The following PRKDC variants were observed in gnomAD, a reference collection of about 807,000 sequenced individuals.
PRKDC encodes DNA-dependent protein kinase catalytic subunit.
In PRKDC, 82 loss-of-function variants were observed where a neutral mutation model predicts 486.9. The ratio of observed to expected loss-of-function variants is 0.17; its 90% CI spans 0.14 to 0.20. PRKDC has a LOEUF of 0.20. Among genes scored for constraint, PRKDC ranks in the 10% least tolerant of loss-of-function variants. PRKDC has a pLI of 1.00. For synonymous variants in PRKDC, 1,895 were observed against 1,837.0 expected, an observed-to-expected ratio of 1.03 and a Z score of -0.81; for missense variants, 4,504 against 5,038.2, an observed-to-expected ratio of 0.89 and a Z score of 3.21.
At position 47,785,126 on chromosome 8, in the gene PRKDC, C is replaced by T. The variant is rs768831970; in HGVS notation, c.11094G>A (p.Glu3698=). The stretch of plus-strand genomic sequence containing the variant: ...AGGTTAACTCACCGGGAATCTCCAG[C>T]TCATTTCTCAGGAACTCCACTTTGA... ...SDFKVEFLRN[E]LEIPGQYDGR... is the part of the protein sequence containing the mutation. Residue 3698 remains glutamate (E), a synonymous_variant, in exon 77 of 86, where the codon GAG becomes GAA. Transcript: ENST00000314191. 1 of 1,613,896 alleles carries T rather than the reference C, an allele frequency of 6.2e-7. No individual in the cohort carries two copies. The highest frequency in any genetic ancestry group is 1.3e-5 in the African/African-American group (1 of 74,924).
chr8:47,926,281 T>TA (rs1004975076), intron 21 of PRKDC, among the ~76,000 whole-genome samples: 1 of 152,152 alleles, frequency 6.6e-6, no homozygotes, highest in African/African-American at 2.4e-5. Flanking sequence ...TTACAATCTG[T>TA]AAAAAAATCG....
chr8:47,889,209 T>C lies in PRKDC; in HGVS notation c.4085A>G (p.Asp1362Gly), dbSNP rs765176549. 1.2e-5 allele frequency: 19 copies of C among 1,606,730 alleles called. No individual in the cohort carries two copies. In the South Asian group the frequency reaches 2.1e-4, roughly 18 times the overall value. ...SPEGWKLLKK[D>G]LCNTHLMRVL... is the part of the protein sequence containing the mutation. ...TCTCATCAGGTGTGTATTACACAAGTCCTTCTTCAGGAGCTGTAACAGATT... is the reference window on the plus strand; with the variant it reads ...TCTCATCAGGTGTGTATTACACAAGCCCTTCTTCAGGAGCTGTAACAGATT... The change falls in exon 33 of 86, where the codon GAC becomes GGC. Residue 1362 changes from aspartate (D) to glycine (G), a missense_variant. Around this residue, in one of 6 missense-constraint regions of PRKDC, gnomAD observed 1,969 missense variants for 2,068.9 expected, o/e 0.95. Coordinates refer to ENST00000314191, the MANE Select transcript of PRKDC (RefSeq NM_006904.7).
intron 51 of PRKDC, 26 bp downstream of exon 51, chr8:47,854,057 T>C (rs2088478471): frequency 6.2e-7 from 1 of 1,612,306 alleles, no homozygotes; most frequent in South Asian, 1.1e-5. Flanking sequence ...AGACGTGACC[T>C]AAAAAATAAT....
chr8:47,882,338 T>C (rs1022013153), intron 36 of PRKDC, among the ~76,000 whole-genome samples: 2 of 152,256 alleles, frequency 1.3e-5, no homozygotes, highest in African/African-American at 2.4e-5. Flanking sequence ...CTGGCTTTCC[T>C]AGTCTGCGCA....
chr8:47,858,853 TCTC>T lies in PRKDC; in HGVS notation c.6338_6340del (p.Gly2113del), dbSNP rs79703138. On this transcript the variant is annotated inframe_deletion, in exon 47 of 86. Coordinates refer to ENST00000314191, the MANE Select transcript of PRKDC (RefSeq NM_006904.7). Reference sequence around the variant, plus strand: ...TAAGATGAGTGGGAAAAGCACCTCTTCTCCTTGAGGCGGGCCCAGGCTTCTGTG... The same window carrying T: ...TAAGATGAGTGGGAAAAGCACCTCTTCTTGAGGCGGGCCCAGGCTTCTGTG... 5,099 of 1,613,134 alleles carry T rather than the reference TCTC, an allele frequency of 3.2e-3. 116 individuals are homozygous for T. Among genetic ancestry groups the T allele is most frequent in the East Asian group, 0.012 (518 of 44,854 alleles).
At chr8:47,929,821 G>C (rs780622808) in intron 18 of PRKDC, 32 bp downstream of exon 18, 5 of 1,566,914 alleles carry the variant, frequency 3.2e-6, no homozygotes, top group South Asian at 1.2e-5. Context: ...CTAAAAAAAC[G>C]CAAGATTCAA....
chr8:47,837,105 G>A (rs2088041925), intron 57 of PRKDC, 107 bp downstream of exon 57: 4 of 1,213,254 alleles, frequency 3.3e-6, no homozygotes, highest in Non-Finnish European at 4.6e-6. Context: ...TTTTCAGAAA[G>A]GAATGTGTAT....
intron 54 of PRKDC, among the ~76,000 whole-genome samples, chr8:47,843,983 C>T (rs759533587): frequency 4.0e-5 from 6 of 151,698 alleles, no homozygotes; most frequent in Non-Finnish European, 8.8e-5. Context: ...AGCAACTACA[C>T]AGTTAAGTCT....
At chr8:47,818,742 T>C (rs906520631) in intron 67 of PRKDC, among the ~76,000 whole-genome samples, 1 of 152,168 alleles carries the variant, frequency 6.6e-6, no homozygotes, top group Non-Finnish European at 1.5e-5. Flanking sequence ...TAGGTAGACA[T>C]AAATATCAGT....
intron 1 of PRKDC, among the ~76,000 whole-genome samples, chr8:47,958,647 G>T (rs1466731289): frequency 6.6e-6 from 1 of 151,882 alleles, no homozygotes; most frequent in Admixed American, 6.6e-5. Context: ...AAGTAATCAC[G>T]CAATGTTAGT....
rs1455158671 is a variant in PRKDC at position 47,933,156 on chromosome 8, T to C, written c.1640A>G (p.Asp547Gly). The stretch of plus-strand genomic sequence containing the variant: ...GGAATTCACAGAGAAAAATGCTTCA[T>C]CTGCTAAAATAGAATCCTTTAAATA... The part of the protein sequence containing the change: ...SDQMMDSILA[D>G]EAFFSVNSSS... The change falls in exon 16 of 86, where the codon GAT becomes GGT. Residue 547 changes from aspartate to glycine, a missense_variant. By Grantham distance (94) the Asp-to-Gly change is moderately conservative (BLOSUM62 -1). This residue lies in a region of PRKDC where 1,969 missense variants were observed against 2,068.9 expected (regional missense o/e 0.95). Coordinates refer to ENST00000314191, the MANE Select transcript of PRKDC (RefSeq NM_006904.7). 12 of 1,528,296 alleles carry C rather than the reference T, an allele frequency of 7.9e-6. No homozygotes were observed. Among genetic ancestry groups the C allele is most frequent in the Non-Finnish European group, 8.8e-6 (10 of 1,140,766 alleles). 94.7% of individuals were successfully genotyped at this position (1,528,296 alleles called of 1,614,324 possible). A position where few individuals can be genotyped will look rare whatever the true frequency, so the allele number is the denominator to read the frequency against.
intron 34 of PRKDC, 124 bp downstream of exon 34, chr8:47,888,394 T>C: frequency 1.3e-6 from 1 of 779,386 alleles, no homozygotes; most frequent in Non-Finnish European, 1.9e-6. Context: ...CTTGAGCAAG[T>C]ATTTCTATAA....
chr8:47,942,253 C>T (rs1185767512), intron 10 of PRKDC, among the ~76,000 whole-genome samples: 3 of 152,168 alleles, frequency 2.0e-5, no homozygotes, highest in African/African-American at 4.8e-5. Context: ...CCAAGTTCAG[C>T]GTAACAGGAG....
At position 47,836,399 on chromosome 8, in the gene PRKDC, T is replaced by C. The variant is rs371778650; in HGVS notation, c.7890A>G (p.Pro2630=). ...TQEGSLSARW[P]VAGQIRATQQ... is the part of the protein sequence containing the mutation. ...GGGTGGCCCTTATCTGCCCTGCCAC[T>C]GGCCAGCGAGCTGAGAGGGACCCTT... The change falls in exon 58 of 86, where the codon CCA becomes CCG. Residue 2630 remains proline, a synonymous_variant. Transcript: ENST00000314191. 2.2e-5 allele frequency: 36 copies of C among 1,611,624 alleles called. No individual in the cohort carries two copies. The highest frequency in any genetic ancestry group is 3.0e-5 in the Non-Finnish European group (35 of 1,178,698).
chr8:47,791,883 T>C (rs569161217), intron 74 of PRKDC, among the ~76,000 whole-genome samples: 75 of 152,336 alleles, frequency 4.9e-4, no homozygotes, highest in African/African-American at 1.8e-3. Flanking sequence ...ATCAGTATGA[T>C]ATCTGCACTC....
intron 77 of PRKDC, chr8:47,784,027 G>A (rs903365889): frequency 3.9e-6 from 2 of 516,840 alleles, no homozygotes; most frequent in East Asian, 3.5e-5. Context: ...GGGAGGCCAA[G>A]GCGAGCAGAT....
At chr8:47,899,441 T>G (rs1336265396) in intron 28 of PRKDC, among the ~76,000 whole-genome samples, 1 of 151,690 alleles carries the variant, frequency 6.6e-6, no homozygotes, top group Non-Finnish European at 1.5e-5. Context: ...AGGTCAGGAG[T>G]TATAGACCAG....
chr8:47,866,172 A>AG (rs1051364207), intron 40 of PRKDC, among the ~76,000 whole-genome samples: 1 of 151,572 alleles, frequency 6.6e-6, no homozygotes, highest in African/African-American at 2.4e-5. Context: ...AAAAAAAAAA[A>AG]AAAAAAAGAG....
At chr8:47,835,987 G>A (rs993280362) in intron 58 of PRKDC, among the ~76,000 whole-genome samples, 5 of 152,196 alleles carry the variant, frequency 3.3e-5, no homozygotes, top group Admixed American at 3.3e-4. Flanking sequence ...AGGCTGGTGC[G>A]GAACTCCTGG....
Sources: allele counts gnomAD v4.1 joint callset (sites outside exome capture counted in the v4.1 genomes callset), GRCh38; gene constraint gnomAD v4.1.1; regional missense constraint gnomAD v4.1.1; transcripts MANE v1.5; gene names NCBI Gene and HGNC (gene_info 2026-07-23, HGNC 2026-07-21).